TBXT: variants seen among roughly 807,000 people sequenced by gnomAD.
TBXT encodes the protein T-box transcription factor T, also known as T brachyury transcription factor.
In TBXT, 19 loss-of-function variants were observed where a neutral mutation model predicts 41.1. The observed-to-expected ratio is 0.46, with a 90% CI of 0.32 to 0.68. The LOEUF (loss-of-function observed/expected upper bound fraction) is 0.68. TBXT is among the 30% of genes least tolerant of loss of function. TBXT has a pLI of 0.03. For missense variants in TBXT, 536 were observed against 582.0 expected (o/e 0.92, Z 0.81); for synonymous variants, 213 against 238.9 (o/e 0.89, Z 1.00).
chr6:166,167,076 G>A (rs1779140607), intron 1 of TBXT, among the ~76,000 whole-genome samples: 1 of 152,234 alleles, frequency 6.6e-6, no homozygotes, highest in Admixed American at 6.5e-5. Context: ...GAGAGGACCT[G>A]GCGAAGGGTT....
rs762853565 is a variant in TBXT, at chr6:166,158,269, C to T, written c.*46G>A. 1.2e-6 allele frequency: 2 copies of T among 1,614,186 alleles called. No individual in the cohort carries two copies. The highest frequency in any genetic ancestry group is 1.7e-6 in the Non-Finnish European group (2 of 1,180,028). ...GGTCAATCCAGTCACCACTGGCTGC[C>T]ACGACAAAAAGTCACTGCATCTTTC... On this transcript the variant is annotated 3_prime_UTR_variant, in exon 8 of 8. Transcript: ENST00000366876.
At chr6:166,165,636 C>G in intron 3 of TBXT, 70 bp downstream of exon 3, 1 of 1,611,696 alleles carries the variant, frequency 6.2e-7, no homozygotes, top group Non-Finnish European at 8.5e-7. Context: ...CCCGCTCCTC[C>G]AGAATCTCCA....
At chr6:166,166,454 A>C in intron 2 of TBXT, 138 bp downstream of exon 2, 2 of 1,354,662 alleles carry the variant, frequency 1.5e-6, no homozygotes, top group Non-Finnish European at 2.1e-6. Context: ...AGGCCTTATT[A>C]GAGAAGGCTG....
At chr6:166,160,393 CT>C (rs1778918125) in intron 7 of TBXT, among the ~76,000 whole-genome samples, 1 of 152,176 alleles carries the variant, frequency 6.6e-6, no homozygotes, top group Non-Finnish European at 1.5e-5. Context: ...CCGAAACGAT[CT>C]CTTTAAGCTC....
Position 166,165,915 on chromosome 6 carries a change from A to T in TBXT, c.472-75T>A, listed in dbSNP as rs181424245. ...ACAGCAAAACATCCATTTCTCCAGG[A>T]TGCAGAAAGTCCTCTGGATCCCAAG... On this transcript the variant is annotated intron_variant, in intron 2 of 7. Coordinates refer to ENST00000366876, the MANE Select transcript of TBXT (RefSeq NM_001366285.2). 9.7e-5 allele frequency: 155 copies of T among 1,602,966 alleles called. No individual in the cohort carries two copies. The East Asian group carries it at 3.0e-3, about 31-fold the overall frequency.
Position 166,167,332 on chromosome 6 carries a change from G to A in TBXT, c.206+54C>T, listed in dbSNP as rs150359405. On this transcript the variant is annotated intron_variant, in intron 1 of 7. Transcript: ENST00000366876. ...CTCCGGGAACTTGCCAGGTCCCCCAGGCTGCCCAGGCGCTGGAGAGCGCGG... is the reference window on the plus strand; with the variant it reads ...CTCCGGGAACTTGCCAGGTCCCCCAAGCTGCCCAGGCGCTGGAGAGCGCGG... 1,336 of 1,604,330 alleles carry A rather than the reference G, an allele frequency of 8.3e-4. 12 individuals are homozygous for A. The African/African-American group carries it at 0.015, about 18-fold the overall frequency.
chr6:166,166,007 C>T (rs900822979), intron 2 of TBXT, among the ~76,000 whole-genome samples, 167 bp from the exon 3 acceptor site: 2 of 152,210 alleles, frequency 1.3e-5, no homozygotes, highest in Admixed American at 1.3e-4. Flanking sequence ...TTTATATGTG[C>T]TATTCCCACA....
chr6:166,167,661 C>G lies in TBXT; in HGVS notation c.-70G>C. The G allele has an allele frequency of 6.5e-7, 1 of 1,528,244 alleles. No homozygotes were observed. Among genetic ancestry groups the G allele is most frequent in the Non-Finnish European group, 8.8e-7 (1 of 1,140,290 alleles). 94.7% of individuals were successfully genotyped at this position (1,528,244 alleles called of 1,614,324 possible). A position where few individuals can be genotyped will look rare whatever the true frequency, so the allele number is the denominator to read the frequency against. Reference sequence around the variant, plus strand: ...CGCTACCTGAGATCCACCTTCCCTGCTCTTGGCCGCCGCCCTTCCGAGAAA... The same window carrying G: ...CGCTACCTGAGATCCACCTTCCCTGGTCTTGGCCGCCGCCCTTCCGAGAAA... On this transcript the variant is annotated 5_prime_UTR_variant, in exon 1 of 8. Coordinates refer to ENST00000366876, the MANE Select transcript of TBXT (RefSeq NM_001366285.2).
chr6:166,158,295 G>C lies in TBXT; in HGVS notation c.*20C>G. The C allele has an allele frequency of 1.9e-6, 3 of 1,614,200 alleles. No homozygotes were observed. Among genetic ancestry groups the C allele is most frequent in the Non-Finnish European group, 2.5e-6 (3 of 1,180,036 alleles). The stretch of plus-strand genomic sequence containing the variant: ...ACGACAAAAAGTCACTGCATCTTTC[G>C]GGACCTGGGCCTTGCTGCTTCACAT... On this transcript the variant is annotated 3_prime_UTR_variant, in exon 8 of 8. Transcript: ENST00000366876.
intron 1 of TBXT, 80 bp downstream of exon 1, chr6:166,167,305 AC>A: frequency 6.5e-7 from 1 of 1,528,766 alleles, no homozygotes; most frequent in Non-Finnish European, 9.0e-7. Context: ...AAAGGGTTCG[AC>A]CTCCGGGAAC....
rs755025433 is a variant in TBXT, at chr6:166,167,632, G to C, written c.-41C>G. On this transcript the variant is annotated 5_prime_UTR_variant, in exon 1 of 8. Transcript: ENST00000366876. ...CCCTCCCCGCCGTCCCCGAAGCCCA[G>C]ACTCGCTACCTGAGATCCACCTTCC... 1.2e-5 allele frequency: 18 copies of C among 1,538,208 alleles called. No homozygotes were observed. The highest frequency in any genetic ancestry group is 1.6e-5 in the Non-Finnish European group (18 of 1,147,288).
chr6:166,160,377 A>G (rs1240613758), intron 7 of TBXT, among the ~76,000 whole-genome samples: 2 of 152,186 alleles, frequency 1.3e-5, no homozygotes, highest in African/African-American at 4.8e-5. Flanking sequence ...TTTGTTGGAA[A>G]AGGTTCCGAA....
At position 166,160,866 on chromosome 6, in the gene TBXT, G is replaced by A. The variant is rs1778931885; in HGVS notation, c.1008C>T (p.Ser336=). 6.2e-7 allele frequency: 1 copy of A among 1,614,036 alleles called. No homozygotes were observed. The highest frequency in any genetic ancestry group is 1.3e-5 in the African/African-American group (1 of 74,924). ...MPAHPSMLPV[S]HNASPPTSSS... ...AGCTGGTAGGTGGGCTGGCATTGTG[G>A]CTCACGGGGAGCATGCTGGGATGGG... Residue 336 remains serine (S), a synonymous_variant, in exon 7 of 8, where the codon AGC becomes AGT. Coordinates refer to ENST00000366876, the MANE Select transcript of TBXT (RefSeq NM_001366285.2).
intron 3 of TBXT, 64 bp from the exon 4 acceptor site, chr6:166,164,925 C>A: frequency 1.4e-6 from 2 of 1,399,138 alleles, no homozygotes; most frequent in Non-Finnish European, 2.0e-6. Flanking sequence ...TAATTTGGCA[C>A]CAAGAAATTG....
At position 166,164,686 on chromosome 6, in the gene TBXT, A is replaced by G; in HGVS notation, c.669-20T>C. The stretch of plus-strand genomic sequence containing the variant: ...TCACTTCTATCAAAATGAAAAAAAA[A>G]AAGTATATCGAATTTTCAAAAATAA... On this transcript the variant is annotated intron_variant, in intron 4 of 7. Coordinates refer to ENST00000366876, the MANE Select transcript of TBXT (RefSeq NM_001366285.2). The G allele has an allele frequency of 6.2e-7, 1 of 1,613,892 alleles. No individual in the cohort carries two copies. Among genetic ancestry groups the G allele is most frequent in the Non-Finnish European group, 8.5e-7 (1 of 1,179,966 alleles).
At chr6:166,161,273 T>C (rs1778947812) in intron 6 of TBXT, among the ~76,000 whole-genome samples, 1 of 152,174 alleles carries the variant, frequency 6.6e-6, no homozygotes, top group Non-Finnish European at 1.5e-5. Flanking sequence ...TACTTATCTT[T>C]AAAAATAAAT....
At chr6:166,160,424 C>A (rs554258985) in intron 7 of TBXT, among the ~76,000 whole-genome samples, 2 of 152,302 alleles carry the variant, frequency 1.3e-5, no homozygotes, top group East Asian at 3.9e-4. Flanking sequence ...ACCCCAACAA[C>A]CCTGTAGGAG....
chr6:166,160,737 C>A, intron 7 of TBXT, 100 bp downstream of exon 7: 1 of 1,545,492 alleles, frequency 6.5e-7, no homozygotes, highest in Non-Finnish European at 8.8e-7. Flanking sequence ...CCACAGGGAC[C>A]AAGGAGAATA....
chr6:166,166,957 G>T, intron 1 of TBXT, 101 bp from the exon 2 acceptor site: 1 of 1,588,570 alleles, frequency 6.3e-7, no homozygotes, highest in Admixed American at 1.7e-5. Context: ...GGGCACAGAG[G>T]AGCCCCCTGG....
Sources: gnomAD v4.1 joint callset for allele counts (sites outside exome capture counted in the v4.1 genomes callset) on GRCh38, gnomAD v4.1.1 for gene constraint, MANE v1.5 for transcripts, NCBI Gene and HGNC (gene_info 2026-07-23, HGNC 2026-07-21) for gene names.